PRKCD: variants seen among roughly 807,000 people sequenced by gnomAD.
PRKCD encodes protein kinase C delta type.
In PRKCD, 20 loss-of-function variants were observed where a neutral mutation model predicts 82.2. The ratio of observed to expected loss-of-function variants is 0.24; its 90% CI spans 0.17 to 0.35. The LOEUF is 0.35. Ranked by LOEUF, PRKCD falls within the 10% of genes least tolerant of loss-of-function variation. The pLI is 1.00. For missense variants in PRKCD, 607 were observed against 899.0 expected (o/e 0.68, Z 4.15); for synonymous variants, 317 against 337.0 (o/e 0.94, Z 0.65).
intron 2 of PRKCD, among the ~76,000 whole-genome samples, chr3:53,177,745 G>A (rs1438273003): frequency 6.6e-6 from 1 of 151,930 alleles, no homozygotes; most frequent in Non-Finnish European, 1.5e-5. Flanking sequence ...ATATCTAGGG[G>A]TGACAGATGC....
At chr3:53,170,522 C>G (rs1443727988) in intron 2 of PRKCD, among the ~76,000 whole-genome samples, 1 of 152,332 alleles carries the variant, frequency 6.6e-6, no homozygotes, top group African/African-American at 2.4e-5. Flanking sequence ...GGCAGGTGGG[C>G]GGGCGGGCGG....
chr3:53,164,127 A>G (rs912439675), intron 1 of PRKCD, among the ~76,000 whole-genome samples: 2 of 152,222 alleles, frequency 1.3e-5, no homozygotes, highest in African/African-American at 4.8e-5. Context: ...GCTGGCCTTC[A>G]GAGAAAATGC....
intron 2 of PRKCD, among the ~76,000 whole-genome samples, chr3:53,174,291 G>T (rs143155461): frequency 1.5e-4 from 23 of 152,342 alleles, no homozygotes; most frequent in Non-Finnish European, 2.8e-4. Flanking sequence ...CTCTGCTGTA[G>T]GCTGGAGAAG....
chr3:53,188,662 C>A, intron 15 of PRKCD, 58 bp from the exon 16 acceptor site: 1 of 1,599,410 alleles, frequency 6.3e-7, no homozygotes, highest in Non-Finnish European at 8.6e-7. Context: ...ACATGGGGGG[C>A]AGGGTTGGAA....
chr3:53,187,982 T>A (rs985489496), intron 15 of PRKCD, among the ~76,000 whole-genome samples: 4 of 151,474 alleles, frequency 2.6e-5, no homozygotes, highest in African/African-American at 9.7e-5. Flanking sequence ...AGGTCAGGAG[T>A]TCGAGACCAG....
chr3:53,179,941 C>T (rs1331264969), intron 4 of PRKCD, among the ~76,000 whole-genome samples, 165 bp downstream of exon 4: 1 of 152,174 alleles, frequency 6.6e-6, no homozygotes, highest in Non-Finnish European at 1.5e-5. Context: ...CCAACATGTC[C>T]TGGGTGTGAA....
intron 2 of PRKCD, among the ~76,000 whole-genome samples, chr3:53,165,934 C>T (rs976345404): frequency 1.3e-5 from 2 of 152,222 alleles, no homozygotes; most frequent in Admixed American, 1.3e-4. Context: ...TGACTCCATA[C>T]TCATTCCAGG....
rs1372857503 is a variant in PRKCD at position 53,184,919 on chromosome 3, A to G, written c.833A>G (p.Asn278Ser). The G allele has an allele frequency of 6.2e-7, 1 of 1,613,872 alleles. No homozygotes were observed. The highest frequency in any genetic ancestry group is 8.5e-7 in the Non-Finnish European group (1 of 1,179,942). The stretch of plus-strand genomic sequence containing the variant: ...CATAAATGCCGGGAGAAGGTGGCCA[A>G]CCTCTGCGGCATCAACCAGAAGCTT... ...VHHKCREKVA[N>S]LCGINQKLLA... Residue 278 changes from asparagine to serine, a missense_variant, in exon 10 of 19, where the codon AAC becomes AGC. This residue lies in a region of PRKCD where 109 missense variants were observed against 155.6 expected (regional missense o/e 0.70). Coordinates refer to ENST00000330452, the MANE Select transcript of PRKCD (RefSeq NM_006254.4).
At chr3:53,175,362 T>C (rs1449024073) in intron 2 of PRKCD, among the ~76,000 whole-genome samples, 1 of 152,020 alleles carries the variant, frequency 6.6e-6, no homozygotes, top group Non-Finnish European at 1.5e-5. Flanking sequence ...AGGGGGGTGA[T>C]AGTGGTAAGA....
chr3:53,189,833 T>C (rs1553670406), intron 17 of PRKCD, 40 bp from the exon 18 acceptor site: 6 of 1,612,270 alleles, frequency 3.7e-6, no homozygotes, highest in Admixed American at 3.3e-5. Flanking sequence ...CAATTTCCCA[T>C]GGCCCTTGGG....
At chr3:53,178,568 G>A (rs1553666465) in intron 3 of PRKCD, 31 bp downstream of exon 3, 5 of 1,582,200 alleles carry the variant, frequency 3.2e-6, no homozygotes, top group Non-Finnish European at 4.3e-6. Context: ...CTGGAGAGGG[G>A]CTGGGAATCT....
intron 1 of PRKCD, among the ~76,000 whole-genome samples, chr3:53,162,694 TCG>T (rs1491310392): frequency 1.9e-5 from 2 of 103,248 alleles, no homozygotes; most frequent in Non-Finnish European, 4.2e-5. Context: ...GTCACCAGAC[TCG>T]TGTGTGTGTG....
rs1325814804 is a variant in PRKCD at position 53,169,157 on chromosome 3, C to T, written c.-20+3942C>T. Among the ~76,000 whole-genome samples, 4 of 152,016 alleles carry T rather than the reference C, an allele frequency of 2.6e-5. No individual in the cohort carries two copies. The highest frequency in any genetic ancestry group is 4.8e-5 in the African/African-American group (2 of 41,368). Reference sequence around the variant, plus strand: ...TCTGGCCTGAGCCACTGCCTGAGCTCGTGCACTCCTAGTGGATGAGGAGCG... The same window carrying T: ...TCTGGCCTGAGCCACTGCCTGAGCTTGTGCACTCCTAGTGGATGAGGAGCG... On this transcript the variant is annotated intron_variant, in intron 2 of 18. Coordinates refer to ENST00000330452, the MANE Select transcript of PRKCD (RefSeq NM_006254.4). The surrounding 1 kb of genome is among the most constrained non-coding windows in gnomAD (Gnocchi z 4.7).
At chr3:53,186,376 C>T in intron 13 of PRKCD, 36 bp downstream of exon 13, 1 of 1,611,152 alleles carries the variant, frequency 6.2e-7, no homozygotes. Flanking sequence ...CCCCATGCCA[C>T]AGCCATGTCC....
At chr3:53,170,871 C>T (rs574284855) in intron 2 of PRKCD, among the ~76,000 whole-genome samples, 4 of 152,010 alleles carry the variant, frequency 2.6e-5, no homozygotes, top group African/African-American at 7.2e-5. Flanking sequence ...CCTATGTGGT[C>T]GGGTGTGGTC....
At chr3:53,179,438 T>C (rs781933869) in intron 3 of PRKCD, 139 bp from the exon 4 acceptor site, 49 of 1,111,778 alleles carry the variant, frequency 4.4e-5, no homozygotes, top group Middle Eastern at 4.1e-4. Flanking sequence ...AGTTCTGTGC[T>C]CTAGAGGACA....
Position 53,192,346 on chromosome 3 carries a change from G to T in PRKCD, c.*80G>T. 1 of 1,545,616 alleles carries T rather than the reference G, an allele frequency of 6.5e-7. No homozygotes were observed. Among genetic ancestry groups the T allele is most frequent in the Non-Finnish European group, 8.9e-7 (1 of 1,125,840 alleles). On this transcript the variant is annotated 3_prime_UTR_variant, in exon 19 of 19. Coordinates refer to ENST00000330452, the MANE Select transcript of PRKCD (RefSeq NM_006254.4). The stretch of plus-strand genomic sequence containing the variant: ...CACGATAAGCACCAGTGGGACTGTG[G>T]TGACTTCTGCTGCTGGCCCCGCCCC...
intron 2 of PRKCD, among the ~76,000 whole-genome samples, chr3:53,176,889 C>T (rs538495426): frequency 1.2e-4 from 18 of 152,026 alleles, no homozygotes; most frequent in South Asian, 2.1e-4. Flanking sequence ...AGTGCAATGG[C>T]GCAGTCTCAG....
chr3:53,169,257 G>A lies in PRKCD; in HGVS notation c.-20+4042G>A, dbSNP rs149134654. ...GGAGTCATTCATGTGGTGAAGCCAG[G>A]GAGGCAGGTGGGGCCACAAGCCTGA... On this transcript the variant is annotated intron_variant, in intron 2 of 18. Transcript: ENST00000330452. The surrounding 1 kb of genome is among the most constrained non-coding windows in gnomAD (Gnocchi z 4.7). Among the ~76,000 whole-genome samples the A allele has an allele frequency of 1.3e-3, 194 of 152,238 alleles. No homozygotes were observed. The highest frequency in any genetic ancestry group is 4.2e-3 in the African/African-American group (174 of 41,534).
Sources: allele counts gnomAD v4.1 joint callset (sites outside exome capture counted in the v4.1 genomes callset), GRCh38; gene constraint gnomAD v4.1.1; regional missense constraint gnomAD v4.1.1; non-coding constraint Gnocchi (gnomAD v3.1); transcripts MANE v1.5; gene names NCBI Gene and HGNC (gene_info 2026-07-23, HGNC 2026-07-21).